Variants in C1orf21 observed in about 807,000 individuals in gnomAD.
The protein encoded by C1orf21 is uncharacterized protein C1orf21.
A neutral mutation model predicts 18.7 loss-of-function variants in C1orf21; 3 were observed. The ratio of observed to expected loss-of-function variants is 0.16; its 90% CI spans 0.07 to 0.42. The LOEUF (loss-of-function observed/expected upper bound fraction) is 0.42, where lower values mean the gene tolerates loss of function less well. Ranked by LOEUF, C1orf21 falls within the 10% of genes least tolerant of loss-of-function variation. C1orf21 has a pLI of 0.99. For synonymous variants in C1orf21, 41 were observed against 46.4 expected, an observed-to-expected ratio of 0.88 and a Z score of 0.47; for missense variants, 104 against 143.6, an observed-to-expected ratio of 0.72 and a Z score of 1.41.
At position 184,553,919 on chromosome 1, in the gene C1orf21, C is replaced by T. The variant is rs578065058; in HGVS notation, c.190-36820C>T. Reference sequence around the variant, plus strand: ...TTACATCTTGCTCAACTGATTTTCTCGGCTTGAAAGAGAAGTAACAGACAC... The same window carrying T: ...TTACATCTTGCTCAACTGATTTTCTTGGCTTGAAAGAGAAGTAACAGACAC... On this transcript the variant is annotated intron_variant, in intron 3 of 5. Coordinates refer to ENST00000235307, the MANE Select transcript of C1orf21 (RefSeq NM_030806.4). Among the ~76,000 whole-genome samples, 11 of 152,264 alleles carry T rather than the reference C, an allele frequency of 7.2e-5. No individual in the cohort carries two copies. The South Asian group carries it at 2.3e-3, about 32-fold the overall frequency.
chr1:184,457,145 C>G (rs1657210334), intron 1 of C1orf21, among the ~76,000 whole-genome samples: 1 of 152,064 alleles, frequency 6.6e-6, no homozygotes, highest in South Asian at 2.1e-4. Context: ...AATCAATAAG[C>G]CATGAAGATA....
intron 3 of C1orf21, among the ~76,000 whole-genome samples, chr1:184,526,729 A>T (rs1432673466): frequency 5.3e-5 from 8 of 152,188 alleles, no homozygotes. Context: ...AAATAGCCCA[A>T]AATCTGAATA....
intron 5 of C1orf21, among the ~76,000 whole-genome samples, chr1:184,604,460 A>G (rs115432824): frequency 0.011 from 1,631 of 152,332 alleles, 10 homozygotes; most frequent in Non-Finnish European, 0.018. Context: ...TCATTCCATG[A>G]AACAATTTCT....
intron 1 of C1orf21, among the ~76,000 whole-genome samples, chr1:184,463,454 A>G (rs1448873785): frequency 6.6e-6 from 1 of 152,172 alleles, no homozygotes; most frequent in African/African-American, 2.4e-5. Flanking sequence ...GCCTGTAATA[A>G]TTATAAATTT....
rs569008706 is a variant in C1orf21 at position 184,458,778 on chromosome 1, T to C, written c.-124-18608T>C. ...AAGCAAACTTAGACTAATTCAGAGG[T>C]TAAAGGGCATTAAACTTTGTGTTTA... On this transcript the variant is annotated intron_variant, in intron 1 of 5. Transcript: ENST00000235307. Among the ~76,000 whole-genome samples, 54 of 152,306 alleles carry C rather than the reference T, an allele frequency of 3.5e-4. No individual in the cohort carries two copies. The South Asian group carries it at 0.01, about 29-fold the overall frequency.
At chr1:184,526,713 A>C (rs2101971390) in intron 3 of C1orf21, among the ~76,000 whole-genome samples, 1 of 152,338 alleles carries the variant, frequency 6.6e-6, no homozygotes, top group East Asian at 1.9e-4. Context: ...TAGCCTATTC[A>C]TTGAGAAATA....
At chr1:184,402,279 C>G (rs1656169486) in intron 1 of C1orf21, among the ~76,000 whole-genome samples, 1 of 152,100 alleles carries the variant, frequency 6.6e-6, no homozygotes, top group Non-Finnish European at 1.5e-5. Flanking sequence ...TTATCATGAA[C>G]ATTTACATGT....
intron 5 of C1orf21, among the ~76,000 whole-genome samples, chr1:184,605,691 G>A (rs903205402): frequency 6.6e-6 from 1 of 152,236 alleles, no homozygotes; most frequent in Non-Finnish European, 1.5e-5. Flanking sequence ...GGCAGCAGCT[G>A]TGTGACCCCA....
At chr1:184,437,472 T>C (rs985621162) in intron 1 of C1orf21, among the ~76,000 whole-genome samples, 3 of 152,126 alleles carry the variant, frequency 2.0e-5, no homozygotes, top group Non-Finnish European at 4.4e-5. Flanking sequence ...GAACCTGTTT[T>C]CTTTGCCTGG....
intron 3 of C1orf21, chr1:184,540,250 A>G (rs1658626700): frequency 1.3e-5 from 2 of 152,212 alleles, no homozygotes; most frequent in Admixed American, 6.5e-5. Flanking sequence ...AGTTCAATTT[A>G]GTTGTTATTG....
intron 3 of C1orf21, among the ~76,000 whole-genome samples, chr1:184,562,325 T>C (rs1417783999): frequency 2.0e-5 from 3 of 152,250 alleles, no homozygotes; most frequent in Non-Finnish European, 4.4e-5. Context: ...GGTTGTTCAC[T>C]CCACCTTTTA....
chr1:184,484,658 C>T (rs976155603), intron 2 of C1orf21, among the ~76,000 whole-genome samples: 5 of 152,206 alleles, frequency 3.3e-5, no homozygotes, highest in South Asian at 2.1e-4. Flanking sequence ...GCCTGCACTG[C>T]TGCCAAGTTT....
chr1:184,552,396 G>A lies in C1orf21; in HGVS notation c.190-38343G>A, dbSNP rs543501136. On this transcript the variant is annotated intron_variant, in intron 3 of 5. Coordinates refer to ENST00000235307, the MANE Select transcript of C1orf21 (RefSeq NM_030806.4). Reference sequence around the variant, plus strand: ...TGGCAACTTTTTTGTAAACTTTTTTGTGTGTTTTTAAAATCACACTGTCAT... The same window carrying A: ...TGGCAACTTTTTTGTAAACTTTTTTATGTGTTTTTAAAATCACACTGTCAT... 2.6e-5 allele frequency among the ~76,000 whole-genome samples: 4 copies of A among 152,172 alleles called. No homozygotes were observed. In the East Asian group the frequency reaches 5.8e-4, roughly 22 times the overall value.
intron 1 of C1orf21, among the ~76,000 whole-genome samples, chr1:184,395,358 A>C (rs1458672082): frequency 6.6e-6 from 1 of 152,142 alleles, no homozygotes; most frequent in Admixed American, 6.5e-5. Context: ...AGCCTTCTTT[A>C]ATATAATGAG....
intron 1 of C1orf21, among the ~76,000 whole-genome samples, chr1:184,464,491 C>T (rs990135591): frequency 6.6e-6 from 1 of 152,226 alleles, no homozygotes; most frequent in Non-Finnish European, 1.5e-5. Flanking sequence ...CAGTCCCCTG[C>T]TCACCATTTT....
chr1:184,513,453 G>A (rs1658180070), intron 3 of C1orf21, among the ~76,000 whole-genome samples: 1 of 152,204 alleles, frequency 6.6e-6, no homozygotes, highest in Admixed American at 6.5e-5. Flanking sequence ...ATGAACAGAT[G>A]GTTTACAGTA....
intron 3 of C1orf21, among the ~76,000 whole-genome samples, chr1:184,530,604 T>C (rs1248312151): frequency 6.7e-6 from 1 of 148,494 alleles, no homozygotes; most frequent in Admixed American, 6.7e-5. Context: ...TTTTTTCTTT[T>C]TTTTTTTTTT....
chr1:184,577,429 C>T (rs4651222), intron 3 of C1orf21, among the ~76,000 whole-genome samples: 10,739 of 152,036 alleles, frequency 0.071, 467 homozygotes, highest in Non-Finnish European at 0.087. Flanking sequence ...CGTCATAAAT[C>T]TGTGTCATTT....
At chr1:184,555,957 G>C (rs1233775083) in intron 3 of C1orf21, among the ~76,000 whole-genome samples, 1 of 152,194 alleles carries the variant, frequency 6.6e-6, no homozygotes, top group Non-Finnish European at 1.5e-5. Flanking sequence ...ACTCCTGCTA[G>C]AGGGAGATAA....
Sources: gnomAD v4.1 joint callset for allele counts (sites outside exome capture counted in the v4.1 genomes callset) on GRCh38, gnomAD v4.1.1 for gene constraint, MANE v1.5 for transcripts, NCBI Gene and HGNC (gene_info 2026-07-23, HGNC 2026-07-21) for gene names.